The following SPATA16 variants were observed in gnomAD, a reference collection of about 807,000 sequenced individuals.
The protein encoded by SPATA16 is spermatogenesis associated 16, also known as spermatogenesis-associated protein 16.
A neutral mutation model predicts 63.3 loss-of-function variants in SPATA16; 36 were observed. The observed-to-expected ratio is 0.57, with a 90% CI of 0.44 to 0.75. The LOEUF is 0.75. Among genes scored for constraint, SPATA16 ranks in the 30% least tolerant of loss-of-function variants. The pLI is 0.00. For missense variants in SPATA16, 646 were observed against 679.3 expected (o/e 0.95, Z 0.54); for synonymous variants, 203 against 216.7 (o/e 0.94, Z 0.56).
At chr3:172,905,276 G>T (rs1449127150) in intron 10 of SPATA16, among the ~76,000 whole-genome samples, 1 of 152,106 alleles carries the variant, frequency 6.6e-6, no homozygotes, top group Non-Finnish European at 1.5e-5. Context: ...AAGGCTGACT[G>T]CTGGAAAGAC....
intron 5 of SPATA16, among the ~76,000 whole-genome samples, chr3:172,965,643 T>A (rs116336005): frequency 0.02 from 3,054 of 152,120 alleles, 108 homozygotes; most frequent in African/African-American, 0.07. Context: ...ATTTATTATT[T>A]TTTTTTTGAG....
rs200323308 is a variant in SPATA16 at position 172,914,252 on chromosome 3, G to GT, written c.1504-509dup. Among the ~76,000 whole-genome samples the GT allele has an allele frequency of 5.9e-3, 895 of 151,932 alleles. 6 individuals carry two copies. Among genetic ancestry groups the GT allele is most frequent in the African/African-American group, 0.02 (847 of 41,418 alleles). On this transcript the variant is annotated intron_variant, in intron 9 of 10. Coordinates refer to ENST00000351008, the MANE Select transcript of SPATA16 (RefSeq NM_031955.6). ...TTTGTTAAAATTTTAAAATAGCCAA[G>GT]TTTTTTTTATTTTTAGGTCCCATTC...
At chr3:172,976,664 G>A (rs1022121005) in intron 5 of SPATA16, among the ~76,000 whole-genome samples, 2 of 151,942 alleles carry the variant, frequency 1.3e-5, no homozygotes, top group African/African-American at 4.8e-5. Flanking sequence ...AAAATACAAT[G>A]TTCATATTTT....
At chr3:172,900,931 C>T (rs956954728) in intron 10 of SPATA16, among the ~76,000 whole-genome samples, 16 of 152,050 alleles carry the variant, frequency 1.1e-4, no homozygotes, top group African/African-American at 3.9e-4. Context: ...TAAGGCACTG[C>T]GCCTGGCCTA....
chr3:172,961,065 T>TTCCTTCCTTCCTTC lies in SPATA16; in HGVS notation c.934-4242_934-4241insGAAGGAAGGAAGGA, dbSNP rs1560080300. On this transcript the variant is annotated intron_variant, in intron 5 of 10. Coordinates refer to ENST00000351008, the MANE Select transcript of SPATA16 (RefSeq NM_031955.6). ...CTTTCTTTCTTCTTTCTTTCTTTCT[T>TTCCTTCCTTCCTTC]CTTTCTTCCTTCCTTCCTTCCTTCC... is the stretch of plus-strand genomic sequence containing the variant. Among the ~76,000 whole-genome samples the TTCCTTCCTTCCTTC allele has an allele frequency of 1.4e-3, 57 of 40,160 alleles. 1 individual carries two copies. The highest frequency in any genetic ancestry group is 4.6e-3 in the East Asian group (8 of 1,758). The allele number at this position is 40,160 out of a possible 152,430, so 26.3% of individuals were successfully genotyped here.
chr3:173,097,371 C>T (rs1323445819), intron 2 of SPATA16, among the ~76,000 whole-genome samples: 1 of 152,066 alleles, frequency 6.6e-6, no homozygotes, highest in Non-Finnish European at 1.5e-5. Context: ...GGTGAAAGTT[C>T]TCAACTTAAG....
intron 9 of SPATA16, among the ~76,000 whole-genome samples, chr3:172,915,888 G>A (rs1732472648): frequency 6.6e-6 from 1 of 152,104 alleles, no homozygotes; most frequent in African/African-American, 2.4e-5. Context: ...CCCTAGAAGT[G>A]ATTAAGAAAA....
chr3:173,113,918 G>A lies in SPATA16; in HGVS notation c.612+3202C>T, dbSNP rs1299523824. Among the ~76,000 whole-genome samples the A allele has an allele frequency of 2.0e-5, 3 of 152,234 alleles. No individual in the cohort carries two copies. The East Asian group carries it at 5.8e-4, about 29-fold the overall frequency. ...GCCTCTGCTGGGCGCAGTGGCTCAT[G>A]CCTGTAATCCCAGCACTTTGGGAGG... On this transcript the variant is annotated intron_variant, in intron 2 of 10. Coordinates refer to ENST00000351008, the MANE Select transcript of SPATA16 (RefSeq NM_031955.6).
intron 4 of SPATA16, among the ~76,000 whole-genome samples, chr3:173,018,395 C>T (rs1233780381): frequency 2.0e-5 from 3 of 151,938 alleles, no homozygotes; most frequent in African/African-American, 7.3e-5. Flanking sequence ...CTACCTCAAC[C>T]TCCTGACTAG....
intron 6 of SPATA16, among the ~76,000 whole-genome samples, chr3:172,941,744 CAT>C (rs937272014): frequency 3.9e-4 from 59 of 152,140 alleles, no homozygotes; most frequent in African/African-American, 1.2e-3. Context: ...AATTGGTAGA[CAT>C]GTGTATATAA....
At chr3:172,985,659 C>T (rs1229099072) in intron 4 of SPATA16, among the ~76,000 whole-genome samples, 1 of 152,094 alleles carries the variant, frequency 6.6e-6, no homozygotes, top group East Asian at 1.9e-4. Context: ...GTGCTGAGAC[C>T]TGAAGAATGG....
chr3:172,979,065 A>G (rs549426844), intron 4 of SPATA16, among the ~76,000 whole-genome samples: 191 of 152,130 alleles, frequency 1.3e-3, no homozygotes, highest in Admixed American at 9.9e-3. Flanking sequence ...GTGAAACCCC[A>G]TCTCTACTAA....
intron 6 of SPATA16, among the ~76,000 whole-genome samples, chr3:172,944,183 A>G (rs184699817): frequency 2.6e-5 from 4 of 152,336 alleles, no homozygotes; most frequent in Admixed American, 6.5e-5. Context: ...AAACAACTCA[A>G]TTAAAAAATT....
chr3:173,108,397 T>C (rs1474775754), intron 2 of SPATA16, among the ~76,000 whole-genome samples: 4 of 152,240 alleles, frequency 2.6e-5, no homozygotes, highest in African/African-American at 9.6e-5. Flanking sequence ...ATTAATTCTC[T>C]TTTAAAAGTC....
intron 2 of SPATA16, among the ~76,000 whole-genome samples, chr3:173,050,071 G>A (rs1488297624): frequency 6.6e-6 from 1 of 151,926 alleles, no homozygotes. Flanking sequence ...AAAATTTATT[G>A]TATTCTAAAT....
chr3:172,941,302 C>T (rs561491376), intron 6 of SPATA16, among the ~76,000 whole-genome samples: 4 of 152,178 alleles, frequency 2.6e-5, no homozygotes, highest in South Asian at 2.1e-4. Context: ...AAAAAGGAAA[C>T]GGATTGCAGT....
intron 10 of SPATA16, among the ~76,000 whole-genome samples, chr3:172,890,424 T>C (rs1048130454): frequency 2.0e-5 from 3 of 152,212 alleles, no homozygotes; most frequent in Non-Finnish European, 2.9e-5. Context: ...TCAGTAGATA[T>C]ACGATTCATA....
intron 6 of SPATA16, among the ~76,000 whole-genome samples, chr3:172,944,719 A>C (rs955985990): frequency 2.0e-5 from 3 of 152,236 alleles, no homozygotes; most frequent in Non-Finnish European, 4.4e-5. Context: ...ACATTATGCT[A>C]AGTGAAATAA....
rs62282608 is a variant in SPATA16 at position 173,057,957 on chromosome 3, T to C, written c.613-8863A>G. 1.8e-3 allele frequency among the ~76,000 whole-genome samples: 276 copies of C among 152,254 alleles called. 1 individual carries two copies. Among genetic ancestry groups the C allele is most frequent in the Non-Finnish European group, 3.6e-3 (243 of 68,016 alleles). ...AGTAGAACTAGTTCTTCATGACAGA[T>C]AGAGAAAACAACTCTAGCAACCTGT... On this transcript the variant is annotated intron_variant, in intron 2 of 10. Transcript: ENST00000351008.
Sources: gnomAD v4.1 joint callset for allele counts (sites outside exome capture counted in the v4.1 genomes callset) on GRCh38, gnomAD v4.1.1 for gene constraint, MANE v1.5 for transcripts, NCBI Gene and HGNC (gene_info 2026-07-23, HGNC 2026-07-21) for gene names.